The following MPP7 variants were observed in gnomAD, a reference collection of about 807,000 sequenced individuals.
The protein encoded by MPP7 is MAGUK p55 subfamily member 7.
Under a neutral mutation model 76.5 loss-of-function variants are expected in MPP7, and 60 were observed. The ratio of observed to expected loss-of-function variants is 0.78; its 90% CI spans 0.64 to 0.97. The LOEUF (loss-of-function observed/expected upper bound fraction) is 0.97. Ranked by LOEUF, MPP7 falls within the 50% of genes least tolerant of loss-of-function variation. MPP7 has a pLI of 0.00. For synonymous variants in MPP7, 237 were observed against 244.5 expected (o/e 0.97, Z 0.29); for missense variants, 641 against 694.0 (o/e 0.92, Z 0.86).
chr10:28,254,009 A>G (rs1282532854), intron 1 of MPP7, among the ~76,000 whole-genome samples: 25 of 139,122 alleles, frequency 1.8e-4, no homozygotes, highest in Admixed American at 5.7e-4. Flanking sequence ...AAAAAGAAAA[A>G]AAAAAAAAAA....
intron 2 of MPP7, among the ~76,000 whole-genome samples, chr10:28,222,801 A>G (rs1210107793): frequency 9.2e-5 from 13 of 141,586 alleles, no homozygotes; most frequent in East Asian, 4.4e-4. Flanking sequence ...GCAGTGAGCC[A>G]AGATCGCGCC....
At chr10:28,300,231 G>T (rs924147561) in intron 1 of MPP7, among the ~76,000 whole-genome samples, 8 of 151,282 alleles carry the variant, frequency 5.3e-5, no homozygotes, top group African/African-American at 1.9e-4. Flanking sequence ...CCATCTAGTG[G>T]AAGTCAGGTA....
At chr10:28,177,050 GA>G (rs1301464940) in intron 3 of MPP7, among the ~76,000 whole-genome samples, 1 of 150,634 alleles carries the variant, frequency 6.6e-6, no homozygotes, top group African/African-American at 2.4e-5. Flanking sequence ...AGAAAGAAAA[GA>G]AAAAAACAAG....
chr10:28,135,337 C>T (rs1835321453), intron 5 of MPP7, among the ~76,000 whole-genome samples: 2 of 152,118 alleles, frequency 1.3e-5, no homozygotes, highest in Admixed American at 6.5e-5. Flanking sequence ...AGTCCTTAGC[C>T]ATGGCATGCA....
intron 12 of MPP7, among the ~76,000 whole-genome samples, chr10:28,087,271 G>A (rs534914791): frequency 1.3e-5 from 2 of 152,216 alleles, no homozygotes; most frequent in South Asian, 4.1e-4. Flanking sequence ...TGAGGCCCTC[G>A]CCAGATGCCC....
intron 11 of MPP7, among the ~76,000 whole-genome samples, 197 bp downstream of exon 11, chr10:28,119,454 C>T (rs7898482): frequency 0.21 from 31,910 of 151,930 alleles, 4,762 homozygotes; most frequent in East Asian, 0.77. Flanking sequence ...TATTAACAAC[C>T]TCAACCACCC....
At chr10:28,283,740 C>T (rs1246038885) in intron 1 of MPP7, among the ~76,000 whole-genome samples, 1 of 152,140 alleles carries the variant, frequency 6.6e-6, no homozygotes, top group African/African-American at 2.4e-5. Flanking sequence ...GTCTCAAACT[C>T]CTGACCTCAA....
intron 1 of MPP7, chr10:28,282,249 T>C (rs576660985): frequency 6.6e-6 from 1 of 152,172 alleles, no homozygotes; most frequent in East Asian, 1.9e-4. Flanking sequence ...CCAGCAAATG[T>C]GGCTGCCCGC....
At chr10:28,192,592 G>A (rs1210737425) in intron 3 of MPP7, among the ~76,000 whole-genome samples, 1 of 152,074 alleles carries the variant, frequency 6.6e-6, no homozygotes, top group Non-Finnish European at 1.5e-5. Context: ...TCTAAATAAG[G>A]AAAACACAAA....
chr10:28,066,208 A>T (rs1000070933), intron 13 of MPP7, among the ~76,000 whole-genome samples: 22 of 152,160 alleles, frequency 1.4e-4, no homozygotes, highest in African/African-American at 5.3e-4. Flanking sequence ...CTCTACAATC[A>T]ATCAATCAAT....
chr10:28,058,562 G>A lies in MPP7; in HGVS notation c.1340C>T (p.Thr447Ile), dbSNP rs767929744. ...GACAGACCGAACTGAGTCTATACTT[G>A]TGCCGTAGTAGTTGTTTTTATATTC... is the stretch of plus-strand genomic sequence containing the variant. ...YGEYKNNYYG[T>I]SIDSVRSVLA... Residue 447 changes from threonine (T) to isoleucine (I), a missense_variant, in exon 15 of 17, where the codon ACA (threonine) becomes ATA (isoleucine). Coordinates refer to ENST00000683449, the MANE Select transcript of MPP7 (RefSeq NM_001318170.2). 5.6e-5 allele frequency: 89 copies of A among 1,603,170 alleles called. No individual in the cohort carries two copies. The highest frequency in any genetic ancestry group is 7.2e-5 in the Non-Finnish European group (84 of 1,174,226).
intron 2 of MPP7, among the ~76,000 whole-genome samples, chr10:28,309,776 T>C (rs1170672711): frequency 6.6e-6 from 1 of 152,158 alleles, no homozygotes; most frequent in East Asian, 1.9e-4. Context: ...GCCATCCTTC[T>C]GACAGTCAGT....
In MPP7 at chr10:28,279,605, C is replaced by T. The variant is rs970340683; in HGVS notation, c.-132+23256G>A. On this transcript the variant is annotated intron_variant, in intron 1 of 16. Coordinates refer to ENST00000683449, the MANE Select transcript of MPP7 (RefSeq NM_001318170.2). Reference sequence around the variant, plus strand: ...CTATAATCCCAGCAACTCAGGAGGCCGAGGCAGTAGAATCACTTGAACCCA... The same window carrying T: ...CTATAATCCCAGCAACTCAGGAGGCTGAGGCAGTAGAATCACTTGAACCCA... 4.6e-5 allele frequency among the ~76,000 whole-genome samples: 7 copies of T among 151,288 alleles called. No individual in the cohort carries two copies. The East Asian group carries it at 7.8e-4, about 17-fold the overall frequency.
chr10:28,222,004 T>C (rs1476598220), intron 2 of MPP7, among the ~76,000 whole-genome samples: 1 of 152,180 alleles, frequency 6.6e-6, no homozygotes, highest in Middle Eastern at 3.2e-3. Flanking sequence ...CCTAAAGTTC[T>C]CTTCTAAGAG....
intron 1 of MPP7, among the ~76,000 whole-genome samples, chr10:28,273,312 C>T (rs907081818): frequency 2.0e-5 from 3 of 152,290 alleles, no homozygotes; most frequent in Non-Finnish European, 2.9e-5. Flanking sequence ...AGTCAATCTG[C>T]CCTAAATTAA....
chr10:28,120,500 G>T, intron 9 of MPP7, 94 bp downstream of exon 9: 2 of 1,492,286 alleles, frequency 1.3e-6, no homozygotes, highest in South Asian at 1.2e-5. Context: ...CTGGAATATT[G>T]AAAGAAATGT....
rs1354267708 is a variant in MPP7 at position 28,319,961 on chromosome 10, C to A, written c.-132+9968G>T. 4.0e-5 allele frequency among the ~76,000 whole-genome samples: 6 copies of A among 151,384 alleles called. No individual in the cohort carries two copies. The East Asian group carries it at 9.7e-4, about 25-fold the overall frequency. Reference sequence around the variant, plus strand: ...ACAGAGACAGACTCTCTCTCAAAAACAAAAAAAAATACATATTTTATTCAC... The same window carrying A: ...ACAGAGACAGACTCTCTCTCAAAAAAAAAAAAAAATACATATTTTATTCAC... On this transcript the variant is annotated intron_variant, in intron 2 of 11. Coordinates refer to the MPP7 transcript ENST00000441595.
At chr10:28,086,838 C>T (rs1417122538) in intron 12 of MPP7, among the ~76,000 whole-genome samples, 1 of 152,054 alleles carries the variant, frequency 6.6e-6, no homozygotes, top group African/African-American at 2.4e-5. Flanking sequence ...TGAATACAGC[C>T]CAAACCTCTG....
intron 2 of MPP7, among the ~76,000 whole-genome samples, chr10:28,223,938 G>A (rs1428326618): frequency 6.6e-6 from 1 of 151,320 alleles, no homozygotes; most frequent in Non-Finnish European, 1.5e-5. Flanking sequence ...GCTCACACCT[G>A]CAATCCCAGC....
Sources: gnomAD v4.1 joint callset for allele counts (sites outside exome capture counted in the v4.1 genomes callset) on GRCh38, gnomAD v4.1.1 for gene constraint, MANE v1.5 for transcripts, NCBI Gene and HGNC (gene_info 2026-07-23, HGNC 2026-07-21) for gene names.